Variants in DDHD1 observed in about 807,000 individuals in gnomAD.
DDHD1 encodes phospholipase DDHD1.
A neutral mutation model predicts 96.4 loss-of-function variants in DDHD1; 49 were observed. The observed-to-expected ratio is 0.51, with a 90% CI of 0.40 to 0.64. DDHD1 has a LOEUF of 0.64. DDHD1 is among the 30% of genes least tolerant of loss of function. DDHD1 has a pLI of 0.00. For missense variants in DDHD1, 1,106 were observed against 1,161.2 expected (o/e 0.95, Z 0.69); for synonymous variants, 442 against 446.5 (o/e 0.99, Z 0.13).
intron 1 of DDHD1, among the ~76,000 whole-genome samples, chr14:53,131,368 G>A (rs940956432): frequency 3.9e-5 from 6 of 151,986 alleles, no homozygotes; most frequent in Non-Finnish European, 5.9e-5. Context: ...AGCCTTACCC[G>A]GCTCAACGCC....
intron 1 of DDHD1, among the ~76,000 whole-genome samples, chr14:53,136,316 C>T (rs913642967): frequency 2.0e-5 from 3 of 152,168 alleles, no homozygotes; most frequent in Non-Finnish European, 2.9e-5. Context: ...TTCACACGGA[C>T]GCATGAGACA....
intron 6 of DDHD1, among the ~76,000 whole-genome samples, chr14:53,067,429 A>G (rs968379811): frequency 6.7e-6 from 1 of 150,120 alleles, no homozygotes; most frequent in African/African-American, 2.5e-5. Context: ...AAGTGCTGGG[A>G]TTACCAGCAT....
At chr14:53,107,628 T>TA (rs1172201335) in intron 1 of DDHD1, among the ~76,000 whole-genome samples, 1 of 152,124 alleles carries the variant, frequency 6.6e-6, no homozygotes, top group African/African-American at 2.4e-5. Context: ...TCATCTTTAC[T>TA]AAAAATACAA....
chr14:53,134,802 T>C (rs1011692847), intron 1 of DDHD1, among the ~76,000 whole-genome samples: 3 of 152,212 alleles, frequency 2.0e-5, no homozygotes, highest in Non-Finnish European at 1.5e-5. Context: ...CTTTAATACC[T>C]GTTTTCCTCT....
At chr14:53,094,067 C>T (rs2139683315) in intron 2 of DDHD1, among the ~76,000 whole-genome samples, 1 of 152,144 alleles carries the variant, frequency 6.6e-6, no homozygotes, top group African/African-American at 2.4e-5. Context: ...GTCCCAGCTA[C>T]TCAGGAGGCT....
At chr14:53,062,558 T>C (rs1224949763) in intron 7 of DDHD1, among the ~76,000 whole-genome samples, 1 of 152,006 alleles carries the variant, frequency 6.6e-6, no homozygotes, top group African/African-American at 2.4e-5. Flanking sequence ...AAAAATTATT[T>C]TCAGAATAAT....
At chr14:53,088,988 T>A (rs1029336447) in intron 4 of DDHD1, among the ~76,000 whole-genome samples, 2 of 152,138 alleles carry the variant, frequency 1.3e-5, no homozygotes, top group African/African-American at 4.8e-5. Flanking sequence ...GGATACAAAA[T>A]CGATGTGCAA....
chr14:53,059,127 C>G (rs1454660935), intron 8 of DDHD1, among the ~76,000 whole-genome samples: 2 of 152,058 alleles, frequency 1.3e-5, no homozygotes, highest in Non-Finnish European at 2.9e-5. Flanking sequence ...CAGTAAAAGA[C>G]GAGAAAGGTT....
chr14:53,079,024 G>A (rs969020765), intron 4 of DDHD1, among the ~76,000 whole-genome samples: 12 of 151,340 alleles, frequency 7.9e-5, no homozygotes, highest in African/African-American at 2.9e-4. Context: ...AAAAAAAAAT[G>A]TTGACCCAAT....
chr14:53,069,697 A>G (rs1330614327), intron 6 of DDHD1, among the ~76,000 whole-genome samples: 1 of 152,198 alleles, frequency 6.6e-6, no homozygotes, highest in African/African-American at 2.4e-5. Context: ...TACTTACAAC[A>G]CACATGCATA....
chr14:53,137,894 G>A (rs1481518632), intron 1 of DDHD1, among the ~76,000 whole-genome samples: 1 of 152,080 alleles, frequency 6.6e-6, no homozygotes, highest in Non-Finnish European at 1.5e-5. Flanking sequence ...CAGGGGGTTG[G>A]GGGAGGAAGC....
intron 3 of DDHD1, 88 bp from the exon 4 acceptor site, chr14:53,092,020 G>A: frequency 7.4e-7 from 1 of 1,344,628 alleles, no homozygotes; most frequent in Non-Finnish European, 1.0e-6. Flanking sequence ...AGAAGTAAAA[G>A]GAATATTATG....
chr14:53,115,921 A>G (rs772256927), intron 1 of DDHD1, among the ~76,000 whole-genome samples: 12 of 152,228 alleles, frequency 7.9e-5, no homozygotes, highest in Non-Finnish European at 1.5e-4. Context: ...CAATTAAAAG[A>G]TACAGACTGG....
chr14:53,084,674 G>C (rs1483912870), intron 4 of DDHD1, among the ~76,000 whole-genome samples: 2 of 152,180 alleles, frequency 1.3e-5, no homozygotes, highest in Non-Finnish European at 2.9e-5. Flanking sequence ...TGGTCAAATA[G>C]GAACAGCTCT....
At chr14:53,141,296 G>C (rs1327932610) in intron 1 of DDHD1, among the ~76,000 whole-genome samples, 1 of 152,210 alleles carries the variant, frequency 6.6e-6, no homozygotes, top group Non-Finnish European at 1.5e-5. Flanking sequence ...TGCATCCTTG[G>C]ATTGACTGAA....
intron 4 of DDHD1, among the ~76,000 whole-genome samples, chr14:53,090,613 C>T (rs1886352694): frequency 6.6e-6 from 1 of 152,160 alleles, no homozygotes; most frequent in Non-Finnish European, 1.5e-5. Context: ...TCTCAGCAAA[C>T]TATCGCAAGG....
chr14:53,133,192 T>G (rs879847752), intron 1 of DDHD1, among the ~76,000 whole-genome samples: 3 of 152,124 alleles, frequency 2.0e-5, no homozygotes, highest in Admixed American at 6.5e-5. Flanking sequence ...CCCCCTCCCT[T>G]CCCTATACAT....
At chr14:53,101,578 T>G (rs1887299214) in intron 2 of DDHD1, among the ~76,000 whole-genome samples, 1 of 152,046 alleles carries the variant, frequency 6.6e-6, no homozygotes, top group Non-Finnish European at 1.5e-5. Context: ...ATTTTACTAC[T>G]CCATGTATAT....
chr14:53,123,127 A>G lies in DDHD1; in HGVS notation c.839-19271T>C, dbSNP rs1042975240. The stretch of plus-strand genomic sequence containing the variant: ...CCAGATAATTGCTGTTATTATTATT[A>G]TTATTATTATTATTATTATTATTAT... On this transcript the variant is annotated intron_variant, in intron 1 of 12. Coordinates refer to ENST00000673822, the MANE Select transcript of DDHD1 (RefSeq NM_001160148.2). Among the ~76,000 whole-genome samples, 404 of 98,732 alleles carry G rather than the reference A, an allele frequency of 4.1e-3. 1 individual carries two copies. Among genetic ancestry groups the G allele is most frequent in the African/African-American group, 0.012 (387 of 33,370 alleles). The allele number at this position is 98,732 out of a possible 152,430, so 64.8% of individuals were successfully genotyped here. A position where few individuals can be genotyped will look rare whatever the true frequency, so the allele number is the denominator to read the frequency against.
Sources: gnomAD v4.1 joint callset for allele counts (sites outside exome capture counted in the v4.1 genomes callset) on GRCh38, gnomAD v4.1.1 for gene constraint, MANE v1.5 for transcripts, NCBI Gene and HGNC (gene_info 2026-07-23, HGNC 2026-07-21) for gene names.